The following PTPRD variants were observed in gnomAD, a reference collection of about 807,000 sequenced individuals.
PTPRD encodes the protein receptor-type tyrosine-protein phosphatase delta.
In PTPRD, 34 loss-of-function variants were observed where a neutral mutation model predicts 214.5. That is an observed-to-expected ratio of 0.16 (90% CI 0.12 to 0.21). PTPRD has a LOEUF of 0.21. Among genes scored for constraint, PTPRD ranks in the 10% least tolerant of loss-of-function variants. PTPRD has a pLI of 1.00. For missense variants in PTPRD, 2,545 were observed against 2,398.7 expected (o/e 1.06, Z -1.27); for synonymous variants, 1,128 against 845.7 (o/e 1.33, Z -5.79).
chr9:10,051,773 T>G (rs1217378214), intron 3 of PTPRD, among the ~76,000 whole-genome samples: 1 of 152,162 alleles, frequency 6.6e-6, no homozygotes, highest in African/African-American at 2.4e-5. Context: ...AAAAGAATAT[T>G]ATCTTCTTCG....
rs1473438409 is a variant in PTPRD at position 10,572,627 on chromosome 9, T to G, written c.-600+39771A>C. 3.9e-5 allele frequency among the ~76,000 whole-genome samples: 6 copies of G among 152,160 alleles called. No individual in the cohort carries two copies. The East Asian group carries it at 1.2e-3, about 29-fold the overall frequency. On this transcript the variant is annotated intron_variant, in intron 2 of 45. Coordinates refer to ENST00000381196, the MANE Select transcript of PTPRD (RefSeq NM_002839.4). ...TCTTACCAACTAAAAAAAGCAGTTG[T>G]CCATGCCTGTGATGTGTGTTTATAA... is the stretch of plus-strand genomic sequence containing the variant.
intron 3 of PTPRD, among the ~76,000 whole-genome samples, chr9:10,095,085 G>C (rs1238631748): frequency 6.6e-6 from 1 of 151,398 alleles, no homozygotes; most frequent in Non-Finnish European, 1.5e-5. Flanking sequence ...AATTTTCAAA[G>C]AGGAAAGAGG....
At chr9:8,768,278 C>T (rs996795285) in intron 11 of PTPRD, among the ~76,000 whole-genome samples, 1 of 152,050 alleles carries the variant, frequency 6.6e-6, no homozygotes, top group African/African-American at 2.4e-5. Context: ...ATGGTACGTG[C>T]CTATAGTCCT....
chr9:9,267,658 C>T (rs1169672143), intron 9 of PTPRD, among the ~76,000 whole-genome samples: 1 of 151,092 alleles, frequency 6.6e-6, no homozygotes, highest in East Asian at 2.0e-4. Context: ...AATTCAATAG[C>T]TTATTAAAAG....
chr9:9,561,552 A>C (rs2082955597), intron 8 of PTPRD, among the ~76,000 whole-genome samples: 1 of 152,238 alleles, frequency 6.6e-6, no homozygotes, highest in South Asian at 2.1e-4. Flanking sequence ...TTTCACAAAG[A>C]ACAAGCAAAT....
intron 7 of PTPRD, among the ~76,000 whole-genome samples, chr9:9,638,264 C>T (rs2095835694): frequency 6.6e-6 from 1 of 152,090 alleles, no homozygotes; most frequent in African/African-American, 2.4e-5. Flanking sequence ...TCACATTTTA[C>T]TACAAGCAGT....
intron 2 of PTPRD, among the ~76,000 whole-genome samples, chr9:10,363,188 T>C (rs1248497760): frequency 6.6e-6 from 1 of 152,194 alleles, no homozygotes; most frequent in Admixed American, 6.5e-5. Flanking sequence ...AAAATGCAGA[T>C]TATGATTTGG....
chr9:9,966,478 G>A (rs1367498994), intron 4 of PTPRD, among the ~76,000 whole-genome samples: 3 of 152,118 alleles, frequency 2.0e-5, no homozygotes, highest in Non-Finnish European at 4.4e-5. Context: ...GTAGAGCTAA[G>A]GGGTTTCAAT....
At chr9:8,488,487 T>C (rs1287659626) in intron 27 of PTPRD, among the ~76,000 whole-genome samples, 3 of 152,194 alleles carry the variant, frequency 2.0e-5, no homozygotes, top group Admixed American at 6.5e-5. Flanking sequence ...GTTGTATATA[T>C]AAAACATGTG....
intron 3 of PTPRD, among the ~76,000 whole-genome samples, chr9:10,168,272 T>G (rs2099171533): frequency 6.6e-6 from 1 of 152,218 alleles, no homozygotes; most frequent in Non-Finnish European, 1.5e-5. Context: ...TTGAGATATT[T>G]ACTAAGTCAT....
intron 23 of PTPRD, among the ~76,000 whole-genome samples, chr9:8,503,630 T>A (rs376122608): frequency 3.3e-5 from 5 of 152,172 alleles, no homozygotes; most frequent in Non-Finnish European, 4.4e-5. Context: ...CAAAAAGAAA[T>A]TGAACCCCAG....
At chr9:9,238,653 T>C (rs922452332) in intron 9 of PTPRD, among the ~76,000 whole-genome samples, 4 of 152,122 alleles carry the variant, frequency 2.6e-5, no homozygotes, top group Admixed American at 2.0e-4. Flanking sequence ...AAGCTGGGCA[T>C]AGAATGGGCT....
intron 2 of PTPRD, among the ~76,000 whole-genome samples, chr9:10,375,495 T>C (rs1348829937): frequency 6.6e-6 from 1 of 152,042 alleles, no homozygotes. Context: ...CTGAAATGTA[T>C]TTTTAAATAT....
At chr9:8,887,958 A>T (rs866202749) in intron 11 of PTPRD, among the ~76,000 whole-genome samples, 31 of 152,338 alleles carry the variant, frequency 2.0e-4, no homozygotes, top group Middle Eastern at 3.4e-3. Context: ...CTTCCAGTGC[A>T]TTTAACATGA....
intron 14 of PTPRD, among the ~76,000 whole-genome samples, chr9:8,575,684 C>T (rs1295453326): frequency 1.3e-5 from 2 of 152,158 alleles, no homozygotes; most frequent in African/African-American, 4.8e-5. Context: ...CAAGAAGGCT[C>T]ACTTTTTGCT....
intron 5 of PTPRD, among the ~76,000 whole-genome samples, chr9:9,811,266 G>C (rs566383493): frequency 6.6e-6 from 1 of 152,146 alleles, no homozygotes; most frequent in Admixed American, 6.6e-5. Flanking sequence ...TGGCTTTGAA[G>C]GGTTCAGGAA....
chr9:9,337,020 A>T (rs9407418), intron 9 of PTPRD, among the ~76,000 whole-genome samples: 12,315 of 152,196 alleles, frequency 0.081, 1,675 homozygotes, highest in African/African-American at 0.28. Flanking sequence ...AAAAATTTTT[A>T]AAAGCAAAAT....
chr9:9,110,999 T>C (rs757891605), intron 10 of PTPRD, among the ~76,000 whole-genome samples: 5 of 152,090 alleles, frequency 3.3e-5, no homozygotes, highest in Non-Finnish European at 7.4e-5. Context: ...TTTACCGATC[T>C]CTGTGATTGG....
At chr9:10,196,893 T>C (rs955699301) in intron 3 of PTPRD, among the ~76,000 whole-genome samples, 1 of 152,074 alleles carries the variant, frequency 6.6e-6, no homozygotes, top group Non-Finnish European at 1.5e-5. Context: ...ATGAAAAGCA[T>C]TTTCACTTGC....
Sources: gnomAD v4.1 joint callset for allele counts (sites outside exome capture counted in the v4.1 genomes callset) on GRCh38, gnomAD v4.1.1 for gene constraint, MANE v1.5 for transcripts, NCBI Gene and HGNC (gene_info 2026-07-23, HGNC 2026-07-21) for gene names.